Variants in FRMPD4 observed in about 807,000 individuals in gnomAD.
The protein encoded by FRMPD4 is FERM and PDZ domain containing 4.
Under a neutral mutation model 94.1 loss-of-function variants are expected in FRMPD4, and 22 were observed. That is an observed-to-expected ratio of 0.23 (90% CI 0.17 to 0.33). The LOEUF (loss-of-function observed/expected upper bound fraction) is 0.33. Ranked by LOEUF, FRMPD4 falls within the 10% of genes least tolerant of loss-of-function variation. The pLI is 1.00. For synonymous variants in FRMPD4, 631 were observed against 548.6 expected (o/e 1.15, Z -2.10); for missense variants, 1,111 against 1,339.9 (o/e 0.83, Z 2.67).
rs1333203134 is a variant in FRMPD4 at position 12,052,166 on chromosome X, A to G, written c.95+174148A>G. ...CGGCCTTTTACATGTATTGTGCCAAATAAAGACACCAAGATTTTACCAGGC... is the reference window on the plus strand; with the variant it reads ...CGGCCTTTTACATGTATTGTGCCAAGTAAAGACACCAAGATTTTACCAGGC... On this transcript the variant is annotated intron_variant, in intron 3 of 18. Coordinates refer to the FRMPD4 transcript ENST00000640291. 2.7e-5 allele frequency among the ~76,000 whole-genome samples: 3 copies of G among 111,938 alleles called. No individual in the cohort carries two copies. The Admixed American group carries it at 2.8e-4, about 11-fold the overall frequency.
chrX:12,300,851 G>C (rs2054849389), intron 1 of FRMPD4, among the ~76,000 whole-genome samples: 1 of 111,574 alleles, frequency 9.0e-6, no homozygotes, highest in Admixed American at 9.5e-5. Context: ...ACTTGGAATA[G>C]ATGATTGGAT....
chrX:12,642,990 A>G (rs933814058), intron 4 of FRMPD4, among the ~76,000 whole-genome samples: 6 of 112,209 alleles, frequency 5.3e-5, no homozygotes, highest in Non-Finnish European at 1.9e-5. Context: ...GTTGCAGCCA[A>G]CTATCTGGTC....
At chrX:12,574,280 G>A (rs1036271773) in intron 2 of FRMPD4, among the ~76,000 whole-genome samples, 4 of 112,300 alleles carry the variant, frequency 3.6e-5, no homozygotes, top group Non-Finnish European at 7.5e-5. Flanking sequence ...GATTACAGGC[G>A]TGAGCCACCA....
At chrX:12,554,530 A>G (rs768069712) in intron 2 of FRMPD4, among the ~76,000 whole-genome samples, 15 of 112,807 alleles carry the variant, frequency 1.3e-4, no homozygotes, top group Admixed American at 5.6e-4. Context: ...TACATTGTGT[A>G]TAAGTATTCT....
At chrX:11,999,969 G>T (rs1569140022) in intron 3 of FRMPD4, among the ~76,000 whole-genome samples, 1 of 111,802 alleles carries the variant, frequency 8.9e-6, no homozygotes, top group Non-Finnish European at 1.9e-5. Flanking sequence ...GATTTTCTGT[G>T]CTTTGCATTC....
At chrX:11,955,747 G>GAAAAAAAAAA (rs57734182) in intron 3 of FRMPD4, among the ~76,000 whole-genome samples, 1 of 49,752 alleles carries the variant, frequency 2.0e-5, no homozygotes. Flanking sequence ...GTCTCAAAAA[G>GAAAAAAAAAA]AAAAAAAAAA....
chrX:12,232,790 G>C (rs936891150), intron 1 of FRMPD4, among the ~76,000 whole-genome samples: 2 of 111,739 alleles, frequency 1.8e-5, no homozygotes, highest in African/African-American at 6.5e-5. Flanking sequence ...TATAATCAGC[G>C]ATGAGCTGGG....
At chrX:12,329,543 G>A (rs2055339157) in intron 1 of FRMPD4, among the ~76,000 whole-genome samples, 2 of 110,920 alleles carry the variant, frequency 1.8e-5, no homozygotes, top group South Asian at 7.7e-4. Context: ...ATACGCATGT[G>A]AAGCTTTTGT....
intron 3 of FRMPD4, among the ~76,000 whole-genome samples, chrX:11,921,308 G>A (rs776334077): frequency 3.6e-5 from 4 of 111,853 alleles, no homozygotes; most frequent in Non-Finnish European, 5.6e-5. Flanking sequence ...CCTTCACATG[G>A]CCTTTTTCTG....
intron 3 of FRMPD4, among the ~76,000 whole-genome samples, chrX:12,085,059 C>T (rs963029235): frequency 6.3e-5 from 7 of 111,762 alleles, no homozygotes; most frequent in African/African-American, 2.0e-4. Context: ...AAAGAAATCA[C>T]AAGATAGATA....
chrX:12,317,394 T>C (rs755447847), intron 1 of FRMPD4, among the ~76,000 whole-genome samples: 9 of 110,105 alleles, frequency 8.2e-5, no homozygotes, highest in Non-Finnish European at 1.5e-4. Context: ...GAATAAGGCC[T>C]CAAAAGCGCA....
intron 1 of FRMPD4, among the ~76,000 whole-genome samples, chrX:11,862,822 C>T (rs1282803863): frequency 9.0e-6 from 1 of 110,711 alleles, no homozygotes. Context: ...TTTACACAGG[C>T]ATTTTTGCTA....
chrX:12,137,637 A>G (rs182778763), upstream of FRMPD4, among the ~76,000 whole-genome samples: 14 of 111,771 alleles, frequency 1.3e-4, no homozygotes, highest in Admixed American at 6.6e-4. Flanking sequence ...AAGGGGCCCA[A>G]TGAAGCCTGA....
At position 12,463,681 on chromosome X, in the gene FRMPD4, G is replaced by GTGTTTTT. The variant is rs1555969426; in HGVS notation, c.42-34998_42-34997insGTTTTTT. Among the ~76,000 whole-genome samples the GTGTTTTT allele has an allele frequency of 8.9e-3, 455 of 51,002 alleles. 60 individuals carry two copies. The highest frequency in any genetic ancestry group is 0.012 in the Non-Finnish European group (363 of 29,285). The allele number at this position is 51,002 out of a possible 115,157, so 44.3% of individuals were successfully genotyped here. ...GGGTGCCTGTGCCTCCTATGTGTGT[G>GTGTTTTT]TTTTTTTTTTGTTTTTGTTTTTTTT... is the stretch of plus-strand genomic sequence containing the variant. On this transcript the variant is annotated intron_variant, in intron 1 of 16. Coordinates refer to ENST00000675598, the MANE Select transcript of FRMPD4 (RefSeq NM_001368397.1).
chrX:11,908,411 A>C (rs897611609), intron 3 of FRMPD4, among the ~76,000 whole-genome samples: 1 of 111,939 alleles, frequency 8.9e-6, no homozygotes, highest in Non-Finnish European at 1.9e-5. Context: ...TCTGATTTCT[A>C]GCTAGTCTGC....
chrX:12,452,636 T>A (rs989729063), intron 1 of FRMPD4, among the ~76,000 whole-genome samples: 2 of 112,337 alleles, frequency 1.8e-5, no homozygotes, highest in African/African-American at 6.5e-5. Context: ...AAATTGAATA[T>A]CAGTTAAAAG....
intron 1 of FRMPD4, among the ~76,000 whole-genome samples, chrX:12,403,659 T>C (rs190966264): frequency 1.2e-3 from 139 of 111,541 alleles, no homozygotes; most frequent in Admixed American, 5.5e-3. Flanking sequence ...CAGGACCTGG[T>C]TCTCAGTAAA....
intron 3 of FRMPD4, among the ~76,000 whole-genome samples, chrX:12,014,697 G>A (rs1419853368): frequency 1.8e-5 from 2 of 111,876 alleles, no homozygotes; most frequent in Non-Finnish European, 3.8e-5. Context: ...ACATACTGGA[G>A]TGTGTGTCTG....
At chrX:11,825,943 TA>T (rs1229897385) in intron 1 of FRMPD4, among the ~76,000 whole-genome samples, 1 of 112,338 alleles carries the variant, frequency 8.9e-6, no homozygotes, top group African/African-American at 3.2e-5. Flanking sequence ...TTTTGGTTTT[TA>T]ATAGAGACGT....
Sources: gnomAD v4.1 joint callset for allele counts (sites outside exome capture counted in the v4.1 genomes callset) on GRCh38, gnomAD v4.1.1 for gene constraint, MANE v1.5 for transcripts, NCBI Gene and HGNC (gene_info 2026-07-23, HGNC 2026-07-21) for gene names.